BICD1: variants seen among roughly 807,000 people sequenced by gnomAD.
BICD1 encodes BICD cargo adaptor 1, also known as protein bicaudal D homolog 1.
BICD1 carries 35 observed loss-of-function variants against 92.5 expected under a neutral mutation model. The ratio of observed to expected loss-of-function variants is 0.38; its 90% CI spans 0.29 to 0.50. The LOEUF is 0.50. Among genes scored for constraint, BICD1 ranks in the 20% least tolerant of loss-of-function variants. The pLI is 0.93. For missense variants in BICD1, 950 were observed against 1,189.8 expected (o/e 0.80, Z 2.97); for synonymous variants, 429 against 465.1 (o/e 0.92, Z 1.00).
chr12:32,223,703 T>G (rs1945603869), intron 2 of BICD1, among the ~76,000 whole-genome samples: 1 of 152,230 alleles, frequency 6.6e-6, no homozygotes, highest in Non-Finnish European at 1.5e-5. Context: ...ATTCACAATT[T>G]GGCTAACTTA....
At chr12:32,172,000 T>G (rs1190353922) in intron 1 of BICD1, among the ~76,000 whole-genome samples, 2 of 145,746 alleles carry the variant, frequency 1.4e-5, no homozygotes, top group African/African-American at 5.1e-5. Flanking sequence ...CTAAAACTGC[T>G]GACATTGAGC....
At chr12:32,269,362 T>C (rs1947078152) in intron 2 of BICD1, among the ~76,000 whole-genome samples, 1 of 152,262 alleles carries the variant, frequency 6.6e-6, no homozygotes, top group South Asian at 2.1e-4. Flanking sequence ...TTTGTTTCTT[T>C]AATGTGAATT....
chr12:32,111,000 G>C (rs568197463), intron 1 of BICD1, among the ~76,000 whole-genome samples: 1 of 151,134 alleles, frequency 6.6e-6, no homozygotes, highest in African/African-American at 2.4e-5. Context: ...TAAAAAAAAA[G>C]AGTTTTTTTT....
chr12:32,284,680 CTT>C (rs1947515310), intron 2 of BICD1, among the ~76,000 whole-genome samples: 1 of 152,134 alleles, frequency 6.6e-6, no homozygotes, highest in African/African-American at 2.4e-5. Context: ...GCTTAAAAGT[CTT>C]TGATGGTTCC....
intron 1 of BICD1, among the ~76,000 whole-genome samples, chr12:32,167,344 G>A (rs186423521): frequency 6.5e-4 from 99 of 152,318 alleles, no homozygotes; most frequent in South Asian, 2.5e-3. Context: ...CTGGATGATA[G>A]GATTTGTTTT....
chr12:32,166,138 A>ATTTATTTATTTATTTATTTATTTATTT (rs1555140610), intron 1 of BICD1, among the ~76,000 whole-genome samples: 1 of 143,954 alleles, frequency 6.9e-6, no homozygotes, highest in African/African-American at 2.6e-5. Flanking sequence ...TTATTTATTT[A>ATTTATTTATTTATTTATTTATTTATTT]TTTATTTATT....
At chr12:32,239,207 A>T (rs1434605152) in intron 2 of BICD1, among the ~76,000 whole-genome samples, 1 of 143,552 alleles carries the variant, frequency 7.0e-6, no homozygotes, top group African/African-American at 2.6e-5. Context: ...AGATTGCACC[A>T]CTGCACTGTA....
At chr12:32,225,453 T>G (rs1253816688) in intron 2 of BICD1, among the ~76,000 whole-genome samples, 1 of 152,098 alleles carries the variant, frequency 6.6e-6, no homozygotes, top group Non-Finnish European at 1.5e-5. Context: ...AAGTTTTCAT[T>G]TTTCTAGAGT....
At chr12:32,288,757 T>C (rs1416292149) in intron 2 of BICD1, among the ~76,000 whole-genome samples, 1 of 151,810 alleles carries the variant, frequency 6.6e-6, no homozygotes, top group Admixed American at 6.6e-5. Context: ...TCCCAGCTAC[T>C]TGGGAGACTG....
chr12:32,375,291 G>T (rs1410455847), intron 9 of BICD1, among the ~76,000 whole-genome samples: 1 of 152,012 alleles, frequency 6.6e-6, no homozygotes, highest in East Asian at 1.9e-4. Context: ...CACTTTGAGA[G>T]GCCGAGGTGG....
intron 2 of BICD1, among the ~76,000 whole-genome samples, chr12:32,275,932 G>A (rs138366166): frequency 0.018 from 2,748 of 152,080 alleles, 85 homozygotes; most frequent in African/African-American, 0.06. Context: ...TGGAATCCGT[G>A]AGGCCAAGAA....
chr12:32,258,783 C>A (rs1946781969), intron 2 of BICD1, among the ~76,000 whole-genome samples: 1 of 152,224 alleles, frequency 6.6e-6, no homozygotes, highest in Admixed American at 6.5e-5. Flanking sequence ...TTAAGACTTT[C>A]ACTATTTCTT....
chr12:32,107,128 C>T lies in BICD1; in HGVS notation c.-204C>T. ...GCCCCTGACCCTCTGCCCTGTTCTC[C>T]ATGTTGCATTTCTCGTCAGTTTCTC... On this transcript the variant is annotated 5_prime_UTR_variant, in exon 1 of 10. Coordinates refer to ENST00000652176, the MANE Select transcript of BICD1 (RefSeq NM_001714.4). 1.7e-6 allele frequency: 1 copy of T among 601,010 alleles called. No homozygotes were observed. The highest frequency in any genetic ancestry group is 2.0e-5 in the South Asian group (1 of 50,698). 37.2% of individuals were successfully genotyped at this position (601,010 alleles called of 1,614,324 possible). A position where few individuals can be genotyped will look rare whatever the true frequency, so the allele number is the denominator to read the frequency against.
chr12:32,179,580 T>TTCCC (rs1944212270), intron 1 of BICD1, among the ~76,000 whole-genome samples: 1 of 151,986 alleles, frequency 6.6e-6, no homozygotes, highest in Non-Finnish European at 1.5e-5. Context: ...ACTTTCTTGA[T>TTCCC]TCCCAGTGTG....
chr12:32,342,230 A>ATG (rs1555170814), intron 8 of BICD1, among the ~76,000 whole-genome samples: 2 of 136,078 alleles, frequency 1.5e-5, no homozygotes, highest in Admixed American at 7.4e-5. Context: ...ATATATATAT[A>ATG]TATGTATAGT....
chr12:32,338,717 G>T, intron 7 of BICD1, 69 bp from the exon 8 acceptor site: 1 of 1,247,938 alleles, frequency 8.0e-7, no homozygotes, highest in Non-Finnish European at 1.1e-6. Flanking sequence ...TCACTGGTGA[G>T]GCGTTAAAAG....
intron 5 of BICD1, among the ~76,000 whole-genome samples, chr12:32,330,689 ACT>A (rs966977513): frequency 6.6e-6 from 1 of 152,032 alleles, no homozygotes; most frequent in African/African-American, 2.4e-5. Context: ...TATTATTGTA[ACT>A]CTGCTATAAT....
At chr12:32,280,209 T>A (rs915498036) in intron 2 of BICD1, among the ~76,000 whole-genome samples, 2 of 152,204 alleles carry the variant, frequency 1.3e-5, no homozygotes, top group African/African-American at 4.8e-5. Flanking sequence ...CTTCTTACAA[T>A]CTCTGGCTAG....
Position 32,107,375 on chromosome 12 carries a change from CTG to C in BICD1, c.45_46del (p.Glu16AspfsTer37), listed in dbSNP as rs1592305443. 6.2e-7 allele frequency: 1 copy of C among 1,610,846 alleles called. No homozygotes were observed. Among genetic ancestry groups the C allele is most frequent in the African/African-American group, 1.3e-5 (1 of 74,862 alleles). ...TTGCAGACGGTGGACCATTATAAGA[CTG>C]AGATAGAGAGGCTAACCAAGGAGCT... is the stretch of plus-strand genomic sequence containing the variant. On this transcript the variant is annotated frameshift_variant, in exon 1 of 10. Transcript: ENST00000652176. LOFTEE classifies it high-confidence loss of function.
Sources: allele counts gnomAD v4.1 joint callset (sites outside exome capture counted in the v4.1 genomes callset), GRCh38; gene constraint gnomAD v4.1.1; transcripts MANE v1.5; gene names NCBI Gene and HGNC (gene_info 2026-07-23, HGNC 2026-07-21).